TBC1D9B: variants seen among roughly 807,000 people sequenced by gnomAD.
The protein encoded by TBC1D9B is TBC1 domain family, member 9B (with GRAM domain).
TBC1D9B carries 87 observed loss-of-function variants against 121.1 expected under a neutral mutation model. That is an observed-to-expected ratio of 0.72 (90% CI 0.60 to 0.86). The LOEUF (loss-of-function observed/expected upper bound fraction) is 0.86. TBC1D9B is among the 40% of genes least tolerant of loss of function. The pLI is 0.00. For missense variants in TBC1D9B, 1,540 were observed against 1,628.6 expected (o/e 0.95, Z 0.94); for synonymous variants, 668 against 670.1 (o/e 1.00, Z 0.05).
chr5:179,904,255 C>G lies in TBC1D9B; in HGVS notation c.229+447G>C, dbSNP rs1212062915. Among the ~76,000 whole-genome samples the G allele has an allele frequency of 1.5e-5, 2 of 129,944 alleles. No homozygotes were observed. The highest frequency in any genetic ancestry group is 6.7e-5 in the African/African-American group (2 of 29,974). The allele number at this position is 129,944 out of a possible 152,430, so 85.2% of individuals were successfully genotyped here. The stretch of plus-strand genomic sequence containing the variant: ...TTTTTTTTTTTTTGAGACGGAATCT[C>G]GCTGTGTCGCCCAGGCTGGAGTGCA... On this transcript the variant is annotated intron_variant, in intron 2 of 20. Transcript: ENST00000355235. The surrounding 1 kb of genome is among the most constrained non-coding windows in gnomAD (Gnocchi z 4.2).
rs1251150769 is a variant in TBC1D9B at position 179,875,086 on chromosome 5, G to T, written c.2002C>A (p.Leu668Met). The T allele has an allele frequency of 6.2e-7, 1 of 1,614,090 alleles. No homozygotes were observed. The highest frequency in any genetic ancestry group is 1.1e-5 in the South Asian group (1 of 91,084). Residue 668 changes from leucine to methionine, a missense_variant, in exon 12 of 21, where the codon CTG (leucine) becomes ATG (methionine). Leu to Met is a conservative substitution (Grantham distance 15). Transcript: ENST00000355235. The surrounding 1 kb of genome is among the most constrained non-coding windows in gnomAD (Gnocchi z 4.5). The stretch of plus-strand genomic sequence containing the variant: ...AGGAAGAGGGTCAGGAACCAGGACA[G>T]CGAGATGCTGGAGATCACCCCCAGG... ...QDLGVISSIS[L>M]SWFLTLFLSV...
At chr5:179,899,125 A>G (rs1761098264) in intron 3 of TBC1D9B, 64 bp downstream of exon 3, 4 of 1,353,910 alleles carry the variant, frequency 3.0e-6, no homozygotes, top group Middle Eastern at 1.8e-4. Context: ...ATGAAATAGG[A>G]TAATACACGA....
At chr5:179,864,749 C>G (rs1561631060) in intron 20 of TBC1D9B, among the ~76,000 whole-genome samples, 1 of 152,240 alleles carries the variant, frequency 6.6e-6, no homozygotes, top group African/African-American at 2.4e-5. Flanking sequence ...CACAGCTAGA[C>G]CGTGGGTCTG....
chr5:179,892,126 C>T (rs900198024), intron 5 of TBC1D9B, among the ~76,000 whole-genome samples: 1 of 152,264 alleles, frequency 6.6e-6, no homozygotes, highest in Non-Finnish European at 1.5e-5. Flanking sequence ...GCCCTCACCC[C>T]TTTGGTGGCT....
chr5:179,880,923 G>A (rs1023526867), intron 7 of TBC1D9B, among the ~76,000 whole-genome samples: 3 of 152,134 alleles, frequency 2.0e-5, no homozygotes, highest in African/African-American at 7.2e-5. Context: ...TCCCACCTGA[G>A]CTCCCCCAGA....
chr5:179,891,352 T>C lies in TBC1D9B; in HGVS notation c.1044+27A>G. ...CTGACACCTCGGGGCTGGAAAGGCC[T>C]TGGCCTCTCAACTAGGGGATGCTGA... On this transcript the variant is annotated intron_variant, in intron 6 of 20. Coordinates refer to ENST00000355235, the MANE Select transcript of TBC1D9B (RefSeq NM_015043.4). The surrounding 1 kb of genome is among the most constrained non-coding windows in gnomAD (Gnocchi z 4.3). 6.2e-7 allele frequency: 1 copy of C among 1,613,616 alleles called. No homozygotes were observed. Among genetic ancestry groups the C allele is most frequent in the Non-Finnish European group, 8.5e-7 (1 of 1,179,616 alleles).
At position 179,879,075 on chromosome 5, in the gene TBC1D9B, G is replaced by A. The variant is rs749161115; in HGVS notation, c.1539C>T (p.Leu513=). 1 of 1,605,114 alleles carries A rather than the reference G, an allele frequency of 6.2e-7. No individual in the cohort carries two copies. Among genetic ancestry groups the A allele is most frequent in the Non-Finnish European group, 8.5e-7 (1 of 1,179,924 alleles). ...AGAAGAGGAGCCACAGCTCTCCCCG[G>A]AGGCTCTCAGGGATACCCTTCAGGA... is the stretch of plus-strand genomic sequence containing the variant. ...ALVLKGIPES[L]RGELWLLFSG... is the part of the protein sequence containing the mutation. Residue 513 remains leucine (L), a synonymous_variant, in exon 9 of 21, where the codon CTC becomes CTT. Transcript: ENST00000355235.
In TBC1D9B at chr5:179,864,376, T is replaced by A. The variant is rs995046467; in HGVS notation, c.3022-248A>T. ...GCACTCAGAGCATGCTGGTCTGACC[T>A]GGGGCCTCCCTGTTTCTAGGTCCGT... On this transcript the variant is annotated intron_variant, in intron 20 of 20. Transcript: ENST00000355235. Among the ~76,000 whole-genome samples the A allele has an allele frequency of 5.9e-5, 9 of 152,302 alleles. No individual in the cohort carries two copies. In the East Asian group the frequency reaches 7.7e-4, roughly 13 times the overall value.
intron 17 of TBC1D9B, chr5:179,869,465 A>G (rs1290402381): frequency 1.7e-6 from 1 of 573,966 alleles, no homozygotes; most frequent in Non-Finnish European, 3.3e-6. Context: ...CCAGCCCTGA[A>G]GCTCCACTCA....
At chr5:179,881,171 C>T (rs569714025) in intron 7 of TBC1D9B, among the ~76,000 whole-genome samples, 11 of 152,354 alleles carry the variant, frequency 7.2e-5, no homozygotes, top group Non-Finnish European at 1.3e-4. Context: ...AGAAGCTTGG[C>T]TCAAGTCCCA....
At chr5:179,879,228 G>T (rs374270043) in intron 8 of TBC1D9B, 31 bp from the exon 9 acceptor site, 2 of 1,587,146 alleles carry the variant, frequency 1.3e-6, no homozygotes. Context: ...GGAGCCTGGG[G>T]GCCGAAGCGC....
chr5:179,862,439 G>A lies in TBC1D9B; in HGVS notation c.*1009C>T. On this transcript the variant is annotated 3_prime_UTR_variant, in exon 21 of 21. Coordinates refer to ENST00000355235, the MANE Select transcript of TBC1D9B (RefSeq NM_015043.4). ...TGGTTCTTGAACCCAAGGGCAGACA[G>A]CTTGCTACAGCCCAGGCCTGAGGAT... The A allele has an allele frequency of 2.5e-6, 1 of 405,838 alleles. No homozygotes were observed. Among genetic ancestry groups the A allele is most frequent in the South Asian group, 1.7e-5 (1 of 60,064 alleles). The allele number at this position is 405,838 out of a possible 1,614,324, so 25.1% of individuals were successfully genotyped here. A position where few individuals can be genotyped will look rare whatever the true frequency, so the allele number is the denominator to read the frequency against.
rs745957333 is a variant in TBC1D9B, at chr5:179,873,172, C to T, written c.2263G>A (p.Asp755Asn). The T allele has an allele frequency of 6.2e-6, 10 of 1,613,076 alleles. No homozygotes were observed. Among genetic ancestry groups the T allele is most frequent in the Middle Eastern group, 1.6e-4 (1 of 6,072 alleles). The change falls in exon 13 of 21, where the codon GAT becomes AAT. Residue 755 changes from aspartate (D) to asparagine (N), a missense_variant. By Grantham distance (23) the Asp-to-Asn change is conservative. Transcript: ENST00000355235. ...ATGTCCACCTCTGCAGGGGGGTCAT[C>T]GCTGCTGCTCAGCAAGGCACGGAGG... ...PHLRALLSSSDDPPAEVDIFE... is the reference protein window; with the variant it reads ...PHLRALLSSSNDPPAEVDIFE...
At chr5:179,895,231 A>G (rs939394317) in intron 3 of TBC1D9B, among the ~76,000 whole-genome samples, 7 of 152,230 alleles carry the variant, frequency 4.6e-5, no homozygotes, top group Non-Finnish European at 8.8e-5. Flanking sequence ...TAAACATGGT[A>G]AAAAATGCAT....
rs1312334438 is a variant in TBC1D9B, at chr5:179,862,996, C to T, written c.*452G>A. 2 of 255,608 alleles carry T rather than the reference C, an allele frequency of 7.8e-6. No homozygotes were observed. The highest frequency in any genetic ancestry group is 1.6e-5 in the Non-Finnish European group (2 of 125,950). The allele number at this position is 255,608 out of a possible 1,614,324, so 15.8% of individuals were successfully genotyped here. On this transcript the variant is annotated 3_prime_UTR_variant, in exon 21 of 21. Coordinates refer to ENST00000355235, the MANE Select transcript of TBC1D9B (RefSeq NM_015043.4). The stretch of plus-strand genomic sequence containing the variant: ...CCTGAGGGTTCCATCACTTTGGTGC[C>T]CAACAAGCACATGCCCCCCAACCTG...
intron 6 of TBC1D9B, among the ~76,000 whole-genome samples, chr5:179,888,866 G>C (rs1055179315): frequency 6.6e-6 from 1 of 152,142 alleles, no homozygotes; most frequent in African/African-American, 2.4e-5. Flanking sequence ...TGGTCCCAGG[G>C]GAGGCGGCCA....
intron 6 of TBC1D9B, among the ~76,000 whole-genome samples, chr5:179,889,518 A>G (rs1307369392): frequency 6.6e-6 from 1 of 152,108 alleles, no homozygotes; most frequent in Non-Finnish European, 1.5e-5. Context: ...GCAGGGTGCC[A>G]ACATGCTCCC....
chr5:179,879,898 T>C (rs528536332), intron 7 of TBC1D9B, 109 bp from the exon 8 acceptor site: 3 of 1,313,434 alleles, frequency 2.3e-6, no homozygotes, highest in East Asian at 2.5e-5. Context: ...AGAAGGGCCA[T>C]GGGGGCAAAC....
chr5:179,863,656 C>T lies in TBC1D9B; in HGVS notation c.3494G>A (p.Cys1165Tyr). 1 of 1,613,782 alleles carries T rather than the reference C, an allele frequency of 6.2e-7. No homozygotes were observed. The highest frequency in any genetic ancestry group is 8.5e-7 in the Non-Finnish European group (1 of 1,180,028). The change falls in exon 21 of 21, where the codon TGC becomes TAC. Residue 1165 changes from cysteine to tyrosine, a missense_variant. Cys to Tyr is a radical substitution (Grantham distance 194). Transcript: ENST00000355235. The surrounding 1 kb of genome is among the most constrained non-coding windows in gnomAD (Gnocchi z 4.5). ...DDTVLVGGEA[C>Y]SPTARIGGTV... Reference sequence around the variant, plus strand: ...GCCGCCGATGCGCGCTGTGGGGCTGCAGGCCTCCCCGCCCACCAGCACCGT... The same window carrying T: ...GCCGCCGATGCGCGCTGTGGGGCTGTAGGCCTCCCCGCCCACCAGCACCGT...
Sources: allele counts gnomAD v4.1 joint callset (sites outside exome capture counted in the v4.1 genomes callset), GRCh38; gene constraint gnomAD v4.1.1; non-coding constraint Gnocchi (gnomAD v3.1); transcripts MANE v1.5; gene names NCBI Gene and HGNC (gene_info 2026-07-23, HGNC 2026-07-21).